WNK1: variants seen among roughly 807,000 people sequenced by gnomAD.
WNK1 encodes serine/threonine-protein kinase WNK1.
In WNK1, 38 loss-of-function variants were observed where a neutral mutation model predicts 222.8. The ratio of observed to expected loss-of-function variants is 0.17; its 90% CI spans 0.13 to 0.22. The LOEUF is 0.22. WNK1 is among the 10% of genes least tolerant of loss of function. The pLI is 1.00. For synonymous variants in WNK1, 1,090 were observed against 1,092.9 expected, an observed-to-expected ratio of 1.00 and a Z score of 0.05; for missense variants, 2,348 against 2,918.4, an observed-to-expected ratio of 0.80 and a Z score of 4.50.
chr12:801,423 T>G (rs925867188), intron 1 of WNK1, among the ~76,000 whole-genome samples: 5 of 143,878 alleles, frequency 3.5e-5, no homozygotes, highest in Admixed American at 7.0e-5. Context: ...CTTTTTTTCT[T>G]TGTGTGTGTG....
chr12:795,957 A>G (rs771614096), intron 1 of WNK1, among the ~76,000 whole-genome samples: 4 of 152,122 alleles, frequency 2.6e-5, no homozygotes, highest in Non-Finnish European at 4.4e-5. Flanking sequence ...TGCAAATCTC[A>G]GCTGACTGCA....
chr12:769,395 G>A (rs1431143746), intron 1 of WNK1, among the ~76,000 whole-genome samples: 3 of 151,488 alleles, frequency 2.0e-5, no homozygotes, highest in Non-Finnish European at 2.9e-5. Context: ...GACAGGTTTT[G>A]CCATGTTGGC....
intron 26 of WNK1, chr12:901,715 A>T: frequency 1.0e-6 from 1 of 963,464 alleles, no homozygotes; most frequent in Non-Finnish European, 1.4e-6. Flanking sequence ...CTGATGTTTC[A>T]CGCAGTCCAT....
rs1955909843 is a variant in WNK1, at chr12:908,803, A to T, written c.*11A>T. 1 of 1,361,118 alleles carries T rather than the reference A, an allele frequency of 7.3e-7. No homozygotes were observed. The highest frequency in any genetic ancestry group is 9.7e-7 in the Non-Finnish European group (1 of 1,026,456). The allele number at this position is 1,361,118 out of a possible 1,614,324, so 84.3% of individuals were successfully genotyped here. ...CTGCGGACCACTTAGACCTAGAGAC[A>T]TTAACTGAATAGATCTGGGGGCAGG... On this transcript the variant is annotated 3_prime_UTR_variant, in exon 28 of 28. Transcript: ENST00000315939.
rs1565571971 is a variant in WNK1 at position 880,756 on chromosome 12, A to G, written c.2868A>G (p.Gly956=). 7 of 1,613,440 alleles carry G rather than the reference A, an allele frequency of 4.3e-6. No individual in the cohort carries two copies. The Admixed American group carries it at 5.0e-5, about 12-fold the overall frequency. ...CTCGACTGCCACCACAGTACCCAGG[A>G]GATTCAAATATTGCTCCCTCTTCCA... The part of the protein sequence containing the change: ...FPPRLPPQYP[G]DSNIAPSSNV... The change falls in exon 12 of 28, where the codon GGA becomes GGG. Residue 956 remains glycine, a synonymous_variant. Transcript: ENST00000315939.
intron 14 of WNK1, 71 bp from the exon 15 acceptor site, chr12:882,872 A>G (rs767580067): frequency 7.4e-5 from 72 of 972,092 alleles, no homozygotes; most frequent in Non-Finnish European, 1.2e-4. Flanking sequence ...GCTAATCTGC[A>G]TTGCTTTTCT....
At chr12:808,761 CT>C (rs11322620) in intron 1 of WNK1, among the ~76,000 whole-genome samples, 64,941 of 119,162 alleles carry the variant, frequency 0.54, 16,534 homozygotes, top group East Asian at 0.82. Flanking sequence ...GTATCTCTCT[CT>C]TTTTTTTTTT....
chr12:767,503 G>A (rs1941914430), intron 1 of WNK1, among the ~76,000 whole-genome samples: 1 of 151,860 alleles, frequency 6.6e-6, no homozygotes, highest in Non-Finnish European at 1.5e-5. Context: ...CACCCTCCTT[G>A]GCCTCCCAAA....
At chr12:774,012 A>T (rs4980968) in intron 1 of WNK1, among the ~76,000 whole-genome samples, 109,917 of 151,938 alleles carry the variant, frequency 0.72, 40,300 homozygotes, top group East Asian at 0.87. Context: ...CCTAATTGAG[A>T]TGGCCATTAT....
intron 9 of WNK1, among the ~76,000 whole-genome samples, chr12:876,271 T>G (rs1240056923): frequency 6.6e-6 from 1 of 151,914 alleles, no homozygotes; most frequent in African/African-American, 2.4e-5. Context: ...TAGCCGGGCG[T>G]GGTGGCAGGC....
chr12:862,294 T>C (rs1211684804), intron 8 of WNK1, 24 bp downstream of exon 8: 1 of 1,611,730 alleles, frequency 6.2e-7, no homozygotes, highest in Admixed American at 1.7e-5. Flanking sequence ...TAAGAGCATG[T>C]AATACTACAA....
intron 9 of WNK1, among the ~76,000 whole-genome samples, chr12:875,079 A>T (rs1952487011): frequency 6.6e-6 from 1 of 152,238 alleles, no homozygotes; most frequent in Non-Finnish European, 1.5e-5. Context: ...AGATAGAAAA[A>T]TAGGGTACAA....
At chr12:901,571 G>C (rs1442930696) in intron 26 of WNK1, 7 of 1,289,102 alleles carry the variant, frequency 5.4e-6, no homozygotes, top group Non-Finnish European at 7.1e-6. Context: ...GCTGTGCGAA[G>C]TTTAACTGTG....
At chr12:889,445 C>T (rs751506673) in intron 21 of WNK1, among the ~76,000 whole-genome samples, 9 of 152,250 alleles carry the variant, frequency 5.9e-5, no homozygotes, top group African/African-American at 1.7e-4. Flanking sequence ...TTTAGTTGTA[C>T]GTCTGGTCAG....
At chr12:794,977 T>G (rs188298817) in intron 1 of WNK1, among the ~76,000 whole-genome samples, 1 of 152,216 alleles carries the variant, frequency 6.6e-6, no homozygotes, top group East Asian at 1.9e-4. Context: ...CTGGTCTTGT[T>G]CTAACCTCAA....
chr12:911,280 A>C lies in WNK1; in HGVS notation c.*2488A>C. On this transcript the variant is annotated 3_prime_UTR_variant, in exon 28 of 28. Transcript: ENST00000315939. The stretch of plus-strand genomic sequence containing the variant: ...ATTATTTAACAATGTACACTGTTAA[A>C]AATAAAAATAAAAATTCAAACTTTG... 1 of 398,584 alleles carries C rather than the reference A, an allele frequency of 2.5e-6. No individual in the cohort carries two copies. Among genetic ancestry groups the C allele is most frequent in the Non-Finnish European group, 4.4e-6 (1 of 226,046 alleles). 24.7% of individuals were successfully genotyped at this position (398,584 alleles called of 1,614,324 possible).
In WNK1 at chr12:753,807, G is replaced by T. The variant is rs1939549181; in HGVS notation, c.242G>T (p.Arg81Leu). The change falls in exon 1 of 28, where the codon CGC becomes CTC. Residue 81 changes from arginine (R) to leucine (L), a missense_variant. Arg to Leu is a moderately radical substitution (Grantham distance 102). This residue lies in a region of WNK1 where 2 missense variants were observed against 17.2 expected (regional missense o/e 0.12). Transcript: ENST00000315939. This position sits in a 1 kb window ranked among gnomAD's most constrained non-coding sequence, Gnocchi z 5.2. ...TTTTTEHRFF[R>L]RSVICDSNAT... ...ACCACCACTGAGCACCGCTTCTTCC[G>T]CCGGAGCGTCATCTGTGACTCCAAT... 6.2e-7 allele frequency: 1 copy of T among 1,612,538 alleles called. No homozygotes were observed. Among genetic ancestry groups the T allele is most frequent in the Non-Finnish European group, 8.5e-7 (1 of 1,179,974 alleles).
chr12:787,939 T>A (rs1591701798), intron 1 of WNK1, among the ~76,000 whole-genome samples: 1 of 152,180 alleles, frequency 6.6e-6, no homozygotes, highest in Non-Finnish European at 1.5e-5. Flanking sequence ...AGATATTATA[T>A]GTAATTTCAA....
rs1953513299 is a variant in WNK1 at position 884,882 on chromosome 12, A to G, written c.4078A>G (p.Ser1360Gly). The G allele has an allele frequency of 1.2e-6, 2 of 1,614,032 alleles. No homozygotes were observed. Among genetic ancestry groups the G allele is most frequent in the Admixed American group, 1.7e-5 (1 of 60,008 alleles). ...AAATAPVPATSSPPNDISTSV... is the reference protein window; with the variant it reads ...AAATAPVPATGSPPNDISTSV... The stretch of plus-strand genomic sequence containing the variant: ...AGCCACAGCACCAGTCCCTGCAACA[A>G]GCAGCCCTCCTAATGACATTTCCAC... The change falls in exon 19 of 28, where the codon AGC becomes GGC. Residue 1360 changes from serine to glycine, a missense_variant. Ser to Gly is a moderately conservative substitution (Grantham distance 56). Coordinates refer to ENST00000315939, the MANE Select transcript of WNK1 (RefSeq NM_018979.4). This position sits in a 1 kb window ranked among gnomAD's most constrained non-coding sequence, Gnocchi z 5.6.
Sources: gnomAD v4.1 joint callset for allele counts (sites outside exome capture counted in the v4.1 genomes callset) on GRCh38, gnomAD v4.1.1 for gene constraint, gnomAD v4.1.1 regional missense constraint, Gnocchi (gnomAD v3.1) non-coding constraint, MANE v1.5 for transcripts, NCBI Gene and HGNC (gene_info 2026-07-23, HGNC 2026-07-21) for gene names.